Variants in NLGN1 observed in about 807,000 individuals in gnomAD.
NLGN1 encodes the protein neuroligin 1, also known as neuroligin-1.
NLGN1 carries 12 observed loss-of-function variants against 65.5 expected under a neutral mutation model. The observed-to-expected ratio is 0.18, with a 90% confidence interval of 0.12 to 0.30. The LOEUF is 0.30. Among genes scored for constraint, NLGN1 ranks in the 10% least tolerant of loss-of-function variants. The pLI, the probability that NLGN1 is intolerant of heterozygous loss-of-function variation, is 1.00. For synonymous variants in NLGN1, 350 were observed against 359.5 expected (o/e 0.97, Z 0.30); for missense variants, 750 against 1,007.1 (o/e 0.74, Z 3.46).
chr3:173,548,310 CA>C (rs1346548245), intron 2 of NLGN1, among the ~76,000 whole-genome samples: 2 of 152,090 alleles, frequency 1.3e-5, no homozygotes, highest in Non-Finnish European at 2.9e-5. Context: ...TTGACCAAGG[CA>C]GACGAAGATA....
rs546779860 is a variant in NLGN1 at position 174,002,527 on chromosome 3, C to G, written c.646+194695C>G. The stretch of plus-strand genomic sequence containing the variant: ...TGTAATCCATATTTTTTAACACTTC[C>G]GGGAATCAGTCTTTTTTTTCTTTAA... On this transcript the variant is annotated intron_variant, in intron 4 of 6. Coordinates refer to ENST00000457714, the Ensembl canonical transcript of NLGN1. Among the ~76,000 whole-genome samples, 10 of 152,190 alleles carry G rather than the reference C, an allele frequency of 6.6e-5. 1 individual carries two copies. In the South Asian group the frequency reaches 2.1e-3, roughly 32 times the overall value.
Position 173,965,473 on chromosome 3 carries a change from A to G in NLGN1, c.646+157641A>G, listed in dbSNP as rs559169119. ...GCTGGGATTACAGGCGTGTGCCACC[A>G]GGCCCGGCTTTTTTTTTTTTTTTTA... On this transcript the variant is annotated intron_variant, in intron 4 of 6. Coordinates refer to ENST00000457714, the Ensembl canonical transcript of NLGN1. 1.8e-3 allele frequency among the ~76,000 whole-genome samples: 258 copies of G among 146,920 alleles called. 2 individuals carry two copies. The highest frequency in any genetic ancestry group is 6.2e-3 in the African/African-American group (247 of 39,736).
chr3:173,553,892 A>T (rs1412257061), intron 2 of NLGN1, among the ~76,000 whole-genome samples: 5 of 152,148 alleles, frequency 3.3e-5, no homozygotes, highest in African/African-American at 1.2e-4. Flanking sequence ...TGATTTTTGG[A>T]TCGGAAAGGA....
At chr3:173,667,394 A>G (rs1761860418) in intron 3 of NLGN1, among the ~76,000 whole-genome samples, 1 of 152,128 alleles carries the variant, frequency 6.6e-6, no homozygotes, top group Non-Finnish European at 1.5e-5. Context: ...TTTGGACTTG[A>G]AGAAAAATGG....
intron 4 of NLGN1, among the ~76,000 whole-genome samples, chr3:174,007,946 C>G (rs1724777937): frequency 3.0e-5 from 2 of 67,068 alleles, no homozygotes; most frequent in South Asian, 1.2e-3. Context: ...CCAGACCAGT[C>G]TAAGTGTGTG....
At chr3:173,470,953 G>A (rs1221237118) in intron 2 of NLGN1, among the ~76,000 whole-genome samples, 1 of 152,064 alleles carries the variant, frequency 6.6e-6, no homozygotes, top group Non-Finnish European at 1.5e-5. Context: ...CAATTTAAAA[G>A]AAAGGTGGAA....
At chr3:174,115,746 G>T (rs1379488472) in intron 4 of NLGN1, among the ~76,000 whole-genome samples, 1 of 152,158 alleles carries the variant, frequency 6.6e-6, no homozygotes, top group Non-Finnish European at 1.5e-5. Context: ...AAGCTCTAGG[G>T]TTTAAAAGTT....
chr3:173,734,922 T>G (rs1470730848), intron 3 of NLGN1, among the ~76,000 whole-genome samples: 1 of 152,100 alleles, frequency 6.6e-6, no homozygotes, highest in Non-Finnish European at 1.5e-5. Flanking sequence ...GGATCTTTTC[T>G]TAGATTATGT....
chr3:173,456,833 ATCT>A (rs747070071), intron 2 of NLGN1, among the ~76,000 whole-genome samples: 1 of 152,042 alleles, frequency 6.6e-6, no homozygotes, highest in East Asian at 1.9e-4. Context: ...TCGGCATATG[ATCT>A]TCTTCCTTCA....
At chr3:173,578,972 A>G (rs1438922729) in intron 2 of NLGN1, among the ~76,000 whole-genome samples, 8 of 152,216 alleles carry the variant, frequency 5.3e-5, no homozygotes, top group Middle Eastern at 3.2e-3. Context: ...TGTAAAAAAG[A>G]CCTTTTTCTA....
chr3:174,184,959 A>G (rs974259448), intron 4 of NLGN1, among the ~76,000 whole-genome samples: 1 of 152,120 alleles, frequency 6.6e-6, no homozygotes, highest in Non-Finnish European at 1.5e-5. Context: ...AGGAAAAAAT[A>G]TGACCACAGA....
At chr3:173,753,764 AG>A (rs1298113815) in intron 3 of NLGN1, among the ~76,000 whole-genome samples, 1 of 151,844 alleles carries the variant, frequency 6.6e-6, no homozygotes, top group Non-Finnish European at 1.5e-5. Context: ...TGCCTCAAAA[AG>A]TCTAGCCCCT....
chr3:173,866,624 T>C (rs1224843998), intron 4 of NLGN1, among the ~76,000 whole-genome samples: 1 of 152,216 alleles, frequency 6.6e-6, no homozygotes, highest in Non-Finnish European at 1.5e-5. Flanking sequence ...TACATCGATA[T>C]CAAATTTGAA....
At chr3:174,250,901 T>TTTTTG (rs796784810) in intron 4 of NLGN1, among the ~76,000 whole-genome samples, 19 of 152,230 alleles carry the variant, frequency 1.2e-4, no homozygotes, top group African/African-American at 2.9e-4. Flanking sequence ...GAAAAAGCCT[T>TTTTTG]TTTTGTTTTG....
intron 4 of NLGN1, among the ~76,000 whole-genome samples, chr3:174,065,852 G>T (rs1395882135): frequency 1.3e-5 from 2 of 152,002 alleles, no homozygotes; most frequent in Admixed American, 1.3e-4. Context: ...AAAACTAAAG[G>T]CAGTCTCTGA....
chr3:173,416,849 G>A (rs972192571), intron 1 of NLGN1, among the ~76,000 whole-genome samples: 2 of 152,042 alleles, frequency 1.3e-5, no homozygotes, highest in African/African-American at 4.8e-5. Context: ...TGTATTTTGA[G>A]AGACATATAA....
At chr3:174,290,841 T>A (rs1427097457), downstream of NLGN1, among the ~76,000 whole-genome samples, 1 of 150,812 alleles carries the variant, frequency 6.6e-6, no homozygotes, top group Non-Finnish European at 1.5e-5. Context: ...TATAAACTTA[T>A]CAGAACAAAA....
At chr3:174,072,884 G>T (rs1327058657) in intron 4 of NLGN1, among the ~76,000 whole-genome samples, 4 of 152,064 alleles carry the variant, frequency 2.6e-5, no homozygotes, top group Non-Finnish European at 4.4e-5. Flanking sequence ...CTATGAAGTA[G>T]ATTTGAAACA....
intron 2 of NLGN1, among the ~76,000 whole-genome samples, chr3:173,528,890 C>A (rs1440672736): frequency 6.6e-6 from 1 of 152,070 alleles, no homozygotes; most frequent in African/African-American, 2.4e-5. Flanking sequence ...TCTTTGATCT[C>A]ATTGAATTTT....
Sources: gnomAD v4.1 joint callset for allele counts (sites outside exome capture counted in the v4.1 genomes callset) on GRCh38, gnomAD v4.1.1 for gene constraint, MANE v1.5 for transcripts, NCBI Gene and HGNC (gene_info 2026-07-23, HGNC 2026-07-21) for gene names.